Variants in SLC44A3 observed in about 807,000 individuals in gnomAD.
The protein encoded by SLC44A3 is choline transporter-like protein 3.
In SLC44A3, 74 loss-of-function variants were observed where a neutral mutation model predicts 75.4. That is an observed-to-expected ratio of 0.98 (90% CI 0.81 to 1.19). SLC44A3 has a LOEUF of 1.19. SLC44A3 is among the 50% of genes most tolerant of loss of function. The pLI is 0.00. For missense variants in SLC44A3, 700 were observed against 778.6 expected (o/e 0.90, Z 1.20); for synonymous variants, 310 against 296.9 (o/e 1.04, Z -0.45).
chr1:94,821,017 G>C lies in SLC44A3; in HGVS notation c.96G>C (p.Thr32=). 1.3e-6 allele frequency: 2 copies of C among 1,551,442 alleles called. No individual in the cohort carries two copies. The highest frequency in any genetic ancestry group is 1.7e-6 in the Non-Finnish European group (2 of 1,146,864). Residue 32 remains threonine (T), a synonymous_variant, in exon 2 of 15, where the codon ACG becomes ACC. Transcript: ENST00000271227. ...RPQIYRKCTD[T]AWLFLFFLFW... is the part of the protein sequence containing the mutation. ...AGATTTATAGGAAATGCACAGATAC[G>C]GCATGGTTATTCCTGTTCTTTCTCT... is the stretch of plus-strand genomic sequence containing the variant.
chr1:94,859,171 A>C (rs995215646), intron 10 of SLC44A3, among the ~76,000 whole-genome samples: 1 of 152,244 alleles, frequency 6.6e-6, no homozygotes, highest in East Asian at 1.9e-4. Context: ...CAAATTTGCC[A>C]GCAGGTAATA....
In SLC44A3 at chr1:94,849,607, C is replaced by T. The variant is rs539177483; in HGVS notation, c.1072+4143C>T. On this transcript the variant is annotated intron_variant, in intron 9 of 14. Transcript: ENST00000271227. The stretch of plus-strand genomic sequence containing the variant: ...CTCTTATGAAGAGGCGCCAGGTGAT[C>T]GGGTGGCGAGCCCGCTGCACAGTGC... 5.9e-5 allele frequency among the ~76,000 whole-genome samples: 9 copies of T among 152,326 alleles called. No homozygotes were observed. The South Asian group carries it at 1.4e-3, about 25-fold the overall frequency.
intron 12 of SLC44A3, among the ~76,000 whole-genome samples, chr1:94,889,020 C>A (rs1479842903): frequency 6.6e-6 from 1 of 152,100 alleles, no homozygotes; most frequent in African/African-American, 2.4e-5. Context: ...CCTGGCCTCC[C>A]AAAGTGCAGG....
intron 10 of SLC44A3, among the ~76,000 whole-genome samples, chr1:94,864,023 G>A (rs529054375): frequency 3.3e-5 from 5 of 152,332 alleles, no homozygotes; most frequent in East Asian, 1.9e-4. Flanking sequence ...CCGTGGGGTG[G>A]CATCAGCCCC....
chr1:94,879,224 A>AC (rs971633493), intron 12 of SLC44A3, among the ~76,000 whole-genome samples: 6 of 151,406 alleles, frequency 4.0e-5, no homozygotes, highest in Non-Finnish European at 7.4e-5. Flanking sequence ...CAAAAAAAAA[A>AC]AACCCGATTT....
chr1:94,876,576 A>T (rs180879113), intron 12 of SLC44A3, among the ~76,000 whole-genome samples: 97 of 152,282 alleles, frequency 6.4e-4, no homozygotes, highest in African/African-American at 2.2e-3. Context: ...ATGAAAGGAG[A>T]TGTGAGTCAC....
chr1:94,863,561 GA>G (rs1012129515), intron 10 of SLC44A3, among the ~76,000 whole-genome samples: 6 of 151,764 alleles, frequency 4.0e-5, no homozygotes, highest in African/African-American at 1.2e-4. Context: ...TGAGGGAAGG[GA>G]AAAAAAAGTG....
At chr1:94,829,845 A>T (rs1661888681) in intron 5 of SLC44A3, among the ~76,000 whole-genome samples, 1 of 152,252 alleles carries the variant, frequency 6.6e-6, no homozygotes, top group African/African-American at 2.4e-5. Flanking sequence ...TTACAGTAAG[A>T]AATTTATTAC....
In SLC44A3 at chr1:94,871,371, G is replaced by C. The variant is rs182261100; in HGVS notation, c.1482+3954G>C. Among the ~76,000 whole-genome samples, 242 of 152,320 alleles carry C rather than the reference G, an allele frequency of 1.6e-3. 3 individuals carry two copies. Among genetic ancestry groups the C allele is most frequent in the African/African-American group, 5.5e-3 (230 of 41,570 alleles). The stretch of plus-strand genomic sequence containing the variant: ...CCTCAGGCAAGTTAGTGGTCAAAGC[G>C]TCTGGGAGTGTTGGCTGGCCATTCT... On this transcript the variant is annotated intron_variant, in intron 12 of 14. Transcript: ENST00000271227.
chr1:94,894,753 C>CG (rs1670591283), intron 14 of SLC44A3, 65 bp from the exon 15 acceptor site: 7 of 1,355,060 alleles, frequency 5.2e-6, no homozygotes, highest in Non-Finnish European at 7.2e-6. Context: ...AGTTTTCCCT[C>CG]GGCCCCTACG....
At chr1:94,844,018 G>T (rs1353089817) in intron 8 of SLC44A3, among the ~76,000 whole-genome samples, 1 of 152,198 alleles carries the variant, frequency 6.6e-6, no homozygotes, top group Admixed American at 6.5e-5. Flanking sequence ...TGAGGAAACT[G>T]AACCAGAGGT....
chr1:94,880,737 G>A (rs1171045207), intron 12 of SLC44A3, among the ~76,000 whole-genome samples: 1 of 152,186 alleles, frequency 6.6e-6, no homozygotes, highest in African/African-American at 2.4e-5. Flanking sequence ...CTGGGGGCTA[G>A]GGAGAGGGGA....
rs3860352 is a variant in SLC44A3 at position 94,825,734 on chromosome 1, C to T, written c.278+1099C>T. On this transcript the variant is annotated intron_variant, in intron 3 of 14. Coordinates refer to ENST00000271227, the MANE Select transcript of SLC44A3 (RefSeq NM_001114106.3). ...GTTTGGAGTCACCAAATACAAATCT[C>T]AGACTAAGCCTCTTATCCTCCTGAG... 7.9e-3 allele frequency: 3,185 copies of T among 402,540 alleles called. 20 individuals carry two copies. The highest frequency in any genetic ancestry group is 0.011 in the Non-Finnish European group (2,137 of 201,554). The allele number at this position is 402,540 out of a possible 1,614,324, so 24.9% of individuals were successfully genotyped here. A position where few individuals can be genotyped will look rare whatever the true frequency, so the allele number is the denominator to read the frequency against.
chr1:94,878,269 A>G (rs859086), intron 12 of SLC44A3, among the ~76,000 whole-genome samples: 87,354 of 150,988 alleles, frequency 0.58, 26,583 homozygotes, highest in East Asian at 0.68. Context: ...ACAAAAAAAA[A>G]ACAGAGAAAC....
intron 12 of SLC44A3, among the ~76,000 whole-genome samples, chr1:94,886,700 A>T (rs901459252): frequency 6.6e-6 from 1 of 152,124 alleles, no homozygotes; most frequent in Non-Finnish European, 1.5e-5. Flanking sequence ...TCACAGCCAC[A>T]CAGGGCGTCC....
At chr1:94,824,007 G>C (rs1660957877) in intron 2 of SLC44A3, among the ~76,000 whole-genome samples, 2 of 152,018 alleles carry the variant, frequency 1.3e-5, no homozygotes, top group South Asian at 4.2e-4. Context: ...TTTGCAGATT[G>C]GTGAACAGTG....
In SLC44A3 at chr1:94,862,369, C is replaced by T. The variant is rs78656480; in HGVS notation, c.1239-2374C>T. Among the ~76,000 whole-genome samples the T allele has an allele frequency of 7.5e-3, 1,144 of 152,286 alleles. 9 individuals carry two copies. Among genetic ancestry groups the T allele is most frequent in the Non-Finnish European group, 0.011 (739 of 68,028 alleles). On this transcript the variant is annotated intron_variant, in intron 10 of 14. Coordinates refer to ENST00000271227, the MANE Select transcript of SLC44A3 (RefSeq NM_001114106.3). ...GCACGAGGCTGGATCTAACTAGAGC[C>T]AAAGCTTGTCTCTAGGACCATGATG...
intron 12 of SLC44A3, among the ~76,000 whole-genome samples, chr1:94,881,447 G>A (rs906874490): frequency 1.3e-5 from 2 of 152,220 alleles, no homozygotes; most frequent in East Asian, 3.8e-4. Context: ...GCTGATGCCT[G>A]TAATCCCAGC....
intron 12 of SLC44A3, among the ~76,000 whole-genome samples, chr1:94,882,239 A>T (rs555055220): frequency 1.3e-5 from 2 of 152,320 alleles, no homozygotes; most frequent in East Asian, 3.9e-4. Context: ...GGGTGACAGC[A>T]CTACTATGTG....
Sources: allele counts gnomAD v4.1 joint callset (sites outside exome capture counted in the v4.1 genomes callset), GRCh38; gene constraint gnomAD v4.1.1; transcripts MANE v1.5; gene names NCBI Gene and HGNC (gene_info 2026-07-23, HGNC 2026-07-21).